The following CUBN variants were observed in gnomAD, a reference collection of about 807,000 sequenced individuals.
The protein encoded by CUBN is 460 kDa receptor.
A neutral mutation model predicts 405.3 loss-of-function variants in CUBN; 282 were observed. The ratio of observed to expected loss-of-function variants is 0.70; its 90% CI spans 0.63 to 0.77. The LOEUF (loss-of-function observed/expected upper bound fraction) is 0.77. Ranked by LOEUF, CUBN falls within the 30% of genes least tolerant of loss-of-function variation. The probability of loss-of-function intolerance (pLI) is 0.00; values close to 1 mark genes in which losing one functional copy is unlikely to be tolerated. For missense variants in CUBN, 4,514 were observed against 4,475.2 expected, an observed-to-expected ratio of 1.01 and a Z score of -0.25; for synonymous variants, 1,684 against 1,617.0, an observed-to-expected ratio of 1.04 and a Z score of -0.99.
At chr10:16,829,174 C>T in intron 65 of CUBN, 134 bp from the exon 66 acceptor site, 1 of 726,632 alleles carries the variant, frequency 1.4e-6, no homozygotes, top group East Asian at 2.7e-5. Flanking sequence ...AATCCCTTTT[C>T]CTTTTCCTCT....
chr10:16,942,100 A>C (rs942893192), intron 36 of CUBN, among the ~76,000 whole-genome samples: 1 of 152,214 alleles, frequency 6.6e-6, no homozygotes, highest in African/African-American at 2.4e-5. Context: ...TGCAACTTAA[A>C]TACCACAGTC....
At chr10:17,085,277 A>G (rs1330182949) in intron 16 of CUBN, among the ~76,000 whole-genome samples, 2 of 152,212 alleles carry the variant, frequency 1.3e-5, no homozygotes, top group Non-Finnish European at 2.9e-5. Context: ...CACTGCTCGC[A>G]TGCACAAACC....
chr10:16,949,464 T>TGTGTG (rs1554798711), intron 34 of CUBN, among the ~76,000 whole-genome samples: 5,353 of 71,564 alleles, frequency 0.075, 309 homozygotes, highest in African/African-American at 0.14. Context: ...TGTGTGTGTG[T>TGTGTG]AGTGTGTGTG....
intron 31 of CUBN, among the ~76,000 whole-genome samples, chr10:16,957,297 T>C (rs1194158925): frequency 2.0e-5 from 3 of 152,204 alleles, no homozygotes; most frequent in Non-Finnish European, 4.4e-5. Flanking sequence ...ATATTTATCT[T>C]TCTGTGCCTG....
chr10:16,986,205 C>T (rs980836984), intron 29 of CUBN, among the ~76,000 whole-genome samples: 5 of 152,216 alleles, frequency 3.3e-5, no homozygotes, highest in African/African-American at 1.2e-4. Context: ...TGTACAGGCA[C>T]TCAGGACCAG....
chr10:16,882,970 C>T (rs1840705597), intron 56 of CUBN, among the ~76,000 whole-genome samples: 1 of 151,006 alleles, frequency 6.6e-6, no homozygotes, highest in African/African-American at 2.4e-5. Context: ...GCTGAGATCG[C>T]ACCACTGTAG....
chr10:17,125,431 G>A (rs11254383), intron 4 of CUBN, among the ~76,000 whole-genome samples: 1 of 152,084 alleles, frequency 6.6e-6, no homozygotes, highest in Non-Finnish European at 1.5e-5. Context: ...ACGTCTGGGG[G>A]TCTCTTTATG....
rs1422497587 is a variant in CUBN at position 16,831,254 on chromosome 10, G to C, written c.10526C>G (p.Ser3509Cys). 1 of 1,613,946 alleles carries C rather than the reference G, an allele frequency of 6.2e-7. No individual in the cohort carries two copies. Among genetic ancestry groups the C allele is most frequent in the African/African-American group, 1.3e-5 (1 of 75,042 alleles). ...GYEIIWTSSP[S>C]GCGGTLYGDR... The stretch of plus-strand genomic sequence containing the variant: ...TGTACAAAGTGCAAATGTCTTACCA[G>C]AGGGTGATGAAGTCCAGATGATTTC... The change falls in exon 65 of 67, where the codon TCT becomes TGT. Residue 3509 changes from serine to cysteine, a missense_variant and splice_region_variant. Physicochemically the swap from Ser to Cys is moderately radical, Grantham distance 112 (BLOSUM62 -1). Transcript: ENST00000377833.
rs555666330 is a variant in CUBN, at chr10:16,949,474, GTGTT to G, written c.5080+523_5080+526del. ...GTGTGTGTGTGTGTGTAGTGTGTGT[GTGTT>G]TGTTTGTTTTGCCTGAGAGCATTTC... is the stretch of plus-strand genomic sequence containing the variant. On this transcript the variant is annotated intron_variant, in intron 34 of 66. Coordinates refer to ENST00000377833, the MANE Select transcript of CUBN (RefSeq NM_001081.4). Among the ~76,000 whole-genome samples the G allele has an allele frequency of 9.8e-4, 145 of 148,404 alleles. 1 individual carries two copies. The highest frequency in any genetic ancestry group is 6.8e-3 in the Middle Eastern group (2 of 292).
At chr10:16,889,996 T>A (rs1488748535) in intron 55 of CUBN, among the ~76,000 whole-genome samples, 4 of 147,750 alleles carry the variant, frequency 2.7e-5, no homozygotes, top group African/African-American at 1.0e-4. Context: ...CAGTTGGGCC[T>A]GGAGTGAGGC....
chr10:16,910,312 C>G (rs1307607065), intron 48 of CUBN, among the ~76,000 whole-genome samples: 2 of 151,882 alleles, frequency 1.3e-5, no homozygotes, highest in Non-Finnish European at 2.9e-5. Context: ...TCGGCAAGTT[C>G]TCAATCAAAT....
chr10:16,827,956 G>C (rs559222644), intron 66 of CUBN, among the ~76,000 whole-genome samples: 21 of 152,232 alleles, frequency 1.4e-4, no homozygotes, highest in African/African-American at 4.3e-4. Context: ...CTGCAATATT[G>C]AATCAACGTC....
intron 45 of CUBN, 26 bp from the exon 46 acceptor site, chr10:16,916,056 A>G (rs1391899467): frequency 6.2e-7 from 1 of 1,601,374 alleles, no homozygotes; most frequent in Admixed American, 1.7e-5. Flanking sequence ...ATAAATAAAT[A>G]AATAAGAAAG....
chr10:17,104,522 G>A lies in CUBN; in HGVS notation c.1314C>T (p.Ser438=), dbSNP rs773738460. 2 of 1,613,838 alleles carry A rather than the reference G, an allele frequency of 1.2e-6. No homozygotes were observed. Among genetic ancestry groups the A allele is most frequent in the African/African-American group, 1.3e-5 (1 of 74,942 alleles). The part of the protein sequence containing the change: ...NCTENINECL[S]NPCLNGGTCV... ...AAGTTCCTCCATTCAAACAGGGGTT[G>A]CTCAAACACTCATTGATGTTTTCTG... The change falls in exon 12 of 67, where the codon AGC becomes AGT. Residue 438 remains serine, a synonymous_variant. Coordinates refer to ENST00000377833, the MANE Select transcript of CUBN (RefSeq NM_001081.4).
rs779185204 is a variant in CUBN at position 16,876,908 on chromosome 10, T to C, written c.9095A>G (p.Tyr3032Cys). ...QITDFGFKFS[Y>C]RIISCGGVFN... Reference sequence around the variant, plus strand: ...TTATGGCTACTCACAGATTATCCTATAGGAAAACTTGAATCCGAAGTCTGT... The same window carrying C: ...TTATGGCTACTCACAGATTATCCTACAGGAAAACTTGAATCCGAAGTCTGT... Residue 3032 changes from tyrosine to cysteine, a missense_variant, in exon 57 of 67, where the codon TAT (tyrosine) becomes TGT (cysteine). Coordinates refer to ENST00000377833, the MANE Select transcript of CUBN (RefSeq NM_001081.4). 1.4e-5 allele frequency: 23 copies of C among 1,613,932 alleles called. No homozygotes were observed. Among genetic ancestry groups the C allele is most frequent in the East Asian group, 1.3e-4 (6 of 44,880 alleles).
At chr10:16,906,122 A>T in intron 50 of CUBN, 81 bp downstream of exon 50, 2 of 1,162,732 alleles carry the variant, frequency 1.7e-6, no homozygotes, top group Non-Finnish European at 2.6e-6. Context: ...TCAAAACAAC[A>T]ACAACAGCAG....
chr10:17,118,345 C>T (rs991043112), intron 6 of CUBN, among the ~76,000 whole-genome samples: 11 of 152,192 alleles, frequency 7.2e-5, no homozygotes, highest in African/African-American at 2.7e-4. Flanking sequence ...CTTAGGTCTA[C>T]CCGACTCCTG....
chr10:16,933,911 T>C (rs540358045), intron 39 of CUBN, among the ~76,000 whole-genome samples: 1 of 152,226 alleles, frequency 6.6e-6, no homozygotes, highest in Non-Finnish European at 1.5e-5. Context: ...TGCTGATTGT[T>C]TTCGGCAAAG....
At chr10:17,091,346 A>T (rs866411171) in intron 14 of CUBN, among the ~76,000 whole-genome samples, 11 of 152,300 alleles carry the variant, frequency 7.2e-5, no homozygotes, top group Middle Eastern at 3.4e-3. Flanking sequence ...ATAAAATGGA[A>T]TAAGTGACCA....
Sources: gnomAD v4.1 joint callset for allele counts (sites outside exome capture counted in the v4.1 genomes callset) on GRCh38, gnomAD v4.1.1 for gene constraint, MANE v1.5 for transcripts, NCBI Gene and HGNC (gene_info 2026-07-23, HGNC 2026-07-21) for gene names.